Variants in TENM4 observed in about 807,000 individuals in gnomAD.
TENM4 encodes teneurin transmembrane protein 4, also known as teneurin-4.
A neutral mutation model predicts 243.3 loss-of-function variants in TENM4; 82 were observed. That is an observed-to-expected ratio of 0.34 (90% CI 0.28 to 0.40). The LOEUF is 0.40. TENM4 is among the 10% of genes least tolerant of loss of function. The probability of loss-of-function intolerance (pLI) is 1.00; values close to 1 mark genes in which losing one functional copy is unlikely to be tolerated. For missense variants in TENM4, 3,138 were observed against 3,673.3 expected (o/e 0.85, Z 3.77); for synonymous variants, 1,412 against 1,456.3 (o/e 0.97, Z 0.69).
At chr11:78,736,432 T>C (rs1027020532) in intron 20 of TENM4, among the ~76,000 whole-genome samples, 9 of 150,286 alleles carry the variant, frequency 6.0e-5, no homozygotes, top group African/African-American at 2.2e-4. Context: ...GTGTGAAGTC[T>C]GGGATTTCAG....
chr11:79,124,865 A>T (rs1288802910), intron 4 of TENM4, among the ~76,000 whole-genome samples: 10 of 137,340 alleles, frequency 7.3e-5, no homozygotes, highest in African/African-American at 2.4e-4. Context: ...ATATATATGT[A>T]TATGTATGTG....
intron 6 of TENM4, among the ~76,000 whole-genome samples, chr11:78,971,181 C>T (rs1052010679): frequency 6.6e-6 from 1 of 151,864 alleles, no homozygotes; most frequent in African/African-American, 2.4e-5. Flanking sequence ...GAGCCAAGTT[C>T]TTTTTACACT....
chr11:79,186,968 T>C (rs988515537), intron 3 of TENM4, among the ~76,000 whole-genome samples: 4 of 152,206 alleles, frequency 2.6e-5, no homozygotes, highest in African/African-American at 9.7e-5. Context: ...GGTGATATTA[T>C]AGAAAAGGTT....
intron 16 of TENM4, 31 bp downstream of exon 16, chr11:78,786,867 G>A (rs758104460): frequency 1.5e-5 from 24 of 1,579,230 alleles, no homozygotes; most frequent in Non-Finnish European, 2.1e-5. Context: ...GCAGACCAGA[G>A]AAGGTACCCG....
intron 6 of TENM4, among the ~76,000 whole-genome samples, chr11:78,904,291 C>T (rs1463890907): frequency 1.4e-5 from 2 of 141,628 alleles, no homozygotes; most frequent in Non-Finnish European, 1.5e-5. Flanking sequence ...ACCTGGGAGG[C>T]GGAGCTTGCA....
At position 78,733,200 on chromosome 11, in the gene TENM4, G is replaced by A. The variant is rs543406647; in HGVS notation, c.2877-623C>T. ...TAAAGATGGCTCAATTAGAAACACA[G>A]TATCTTACAAGTGAAAGGAGAACCA... is the stretch of plus-strand genomic sequence containing the variant. On this transcript the variant is annotated intron_variant, in intron 20 of 33. Coordinates refer to ENST00000278550, the MANE Select transcript of TENM4 (RefSeq NM_001098816.3). Among the ~76,000 whole-genome samples, 63 of 152,300 alleles carry A rather than the reference G, an allele frequency of 4.1e-4. 1 individual carries two copies. The South Asian group carries it at 5.4e-3, about 13-fold the overall frequency.
intron 6 of TENM4, among the ~76,000 whole-genome samples, chr11:78,947,639 T>C (rs544694805): frequency 6.6e-6 from 1 of 152,346 alleles, no homozygotes; most frequent in East Asian, 1.9e-4. Flanking sequence ...GACCCAACTT[T>C]AAGTATGGCT....
At chr11:79,335,343 G>A (rs565758) in intron 1 of TENM4, among the ~76,000 whole-genome samples, 52,551 of 152,168 alleles carry the variant, frequency 0.35, 9,251 homozygotes, top group South Asian at 0.54. Flanking sequence ...TCACTTCAGG[G>A]AGATTCAAAA....
intron 6 of TENM4, among the ~76,000 whole-genome samples, chr11:79,059,745 C>T (rs1860039425): frequency 6.6e-6 from 1 of 152,122 alleles, no homozygotes; most frequent in East Asian, 1.9e-4. Flanking sequence ...ACAATAACTC[C>T]CCAACAGCCT....
intron 2 of TENM4, among the ~76,000 whole-genome samples, chr11:79,267,218 A>G (rs1855897317): frequency 6.6e-6 from 1 of 152,092 alleles, no homozygotes; most frequent in Non-Finnish European, 1.5e-5. Context: ...CAAACTCACT[A>G]CCAGCACCAG....
At chr11:78,789,224 C>T (rs1050450342) in intron 15 of TENM4, among the ~76,000 whole-genome samples, 1 of 152,156 alleles carries the variant, frequency 6.6e-6, no homozygotes, top group East Asian at 1.9e-4. Flanking sequence ...ATTCACCACA[C>T]CCCACTTAGC....
intron 4 of TENM4, among the ~76,000 whole-genome samples, chr11:79,123,130 C>A (rs559426667): frequency 1.7e-3 from 264 of 152,218 alleles, no homozygotes; most frequent in African/African-American, 6.1e-3. Context: ...GGAACTCAGA[C>A]CCTGGGAGGT....
Position 79,070,074 on chromosome 11 carries a change from C to T in TENM4, c.-65-65G>A, listed in dbSNP as rs1022715439. On this transcript the variant is annotated intron_variant, in intron 4 of 33. Coordinates refer to ENST00000278550, the MANE Select transcript of TENM4 (RefSeq NM_001098816.3). ...AGAACATTCCCGGGTTCATCCTGGT[C>T]CTGGATTCACCCTTGCAGCCCTGTG... 4.1e-6 allele frequency: 6 copies of T among 1,448,008 alleles called. No individual in the cohort carries two copies. In the African/African-American group the frequency reaches 5.7e-5, roughly 14 times the overall value. 89.7% of individuals were successfully genotyped at this position (1,448,008 alleles called of 1,614,324 possible).
chr11:79,175,546 T>G (rs537594810), intron 3 of TENM4, among the ~76,000 whole-genome samples: 17 of 152,212 alleles, frequency 1.1e-4, no homozygotes, highest in African/African-American at 3.9e-4. Context: ...TTTAATGACA[T>G]GGAAAGGTAG....
intron 1 of TENM4, among the ~76,000 whole-genome samples, chr11:79,407,355 T>A (rs1198650391): frequency 6.6e-6 from 1 of 152,250 alleles, no homozygotes; most frequent in East Asian, 1.9e-4. Context: ...CTGTTACTAA[T>A]AATAGCTAAC....
chr11:78,973,780 CATA>C (rs2136588757), intron 6 of TENM4, among the ~76,000 whole-genome samples: 1 of 150,144 alleles, frequency 6.7e-6, no homozygotes, highest in Non-Finnish European at 1.5e-5. Context: ...TGGCAAAAAC[CATA>C]ATTACTTTTG....
At chr11:79,192,851 T>C (rs934420543) in intron 3 of TENM4, among the ~76,000 whole-genome samples, 2 of 152,230 alleles carry the variant, frequency 1.3e-5, no homozygotes, top group African/African-American at 2.4e-5. Context: ...ACGATATGAT[T>C]ATTTTCCCTA....
chr11:79,334,243 C>G (rs762331447), intron 1 of TENM4, among the ~76,000 whole-genome samples: 19 of 152,204 alleles, frequency 1.2e-4, no homozygotes, highest in Non-Finnish European at 2.6e-4. Flanking sequence ...TATAGTCTGG[C>G]AGGACTCAGC....
At chr11:79,058,409 G>C (rs143386657) in intron 6 of TENM4, among the ~76,000 whole-genome samples, 2,851 of 152,228 alleles carry the variant, frequency 0.019, 82 homozygotes, top group African/African-American at 0.066. Flanking sequence ...GCCAGGTGTG[G>C]TGGTGGGCGC....
Sources: gnomAD v4.1 joint callset for allele counts (sites outside exome capture counted in the v4.1 genomes callset) on GRCh38, gnomAD v4.1.1 for gene constraint, MANE v1.5 for transcripts, NCBI Gene and HGNC (gene_info 2026-07-23, HGNC 2026-07-21) for gene names.